Variants in METTL14 observed in about 807,000 individuals in gnomAD.
METTL14 encodes the protein N(6)-adenosine-methyltransferase non-catalytic subunit METTL14.
Under a neutral mutation model 62.4 loss-of-function variants are expected in METTL14, and 32 were observed. The ratio of observed to expected loss-of-function variants is 0.51; its 90% confidence interval spans 0.39 to 0.69. The LOEUF (loss-of-function observed/expected upper bound fraction) is 0.69, where lower values mean the gene tolerates loss of function less well. Ranked by LOEUF, METTL14 falls within the 30% of genes least tolerant of loss-of-function variation. The pLI, the probability that METTL14 is intolerant of heterozygous loss-of-function variation, is 0.00. For missense variants in METTL14, 340 were observed against 551.9 expected (o/e 0.62, Z 3.85); for synonymous variants, 150 against 180.0 (o/e 0.83, Z 1.34).
At chr4:118,705,842 A>G (rs1462747723) in intron 10 of METTL14, 21 bp downstream of exon 10, 2 of 1,562,862 alleles carry the variant, frequency 1.3e-6, no homozygotes, top group Non-Finnish European at 1.8e-6. Flanking sequence ...AGTTAACAAC[A>G]ACTTTTATGA....
At chr4:118,689,028 GT>G (rs1481214699) in intron 2 of METTL14, among the ~76,000 whole-genome samples, 1 of 152,114 alleles carries the variant, frequency 6.6e-6, no homozygotes, top group Non-Finnish European at 1.5e-5. Flanking sequence ...TTATTTGGTA[GT>G]TCAGAAAGCA....
At chr4:118,709,353 G>A (rs934837293) in intron 10 of METTL14, among the ~76,000 whole-genome samples, 1 of 152,212 alleles carries the variant, frequency 6.6e-6, no homozygotes, top group African/African-American at 2.4e-5. Context: ...GCAGAGAAGT[G>A]ACATGTTTTA....
At position 118,696,030 on chromosome 4, in the gene METTL14, T is replaced by G. The variant is rs1481017967; in HGVS notation, c.504-1152T>G. Among the ~76,000 whole-genome samples the G allele has an allele frequency of 4.4e-5, 6 of 135,564 alleles. 1 individual carries two copies. The South Asian group carries it at 1.4e-3, about 33-fold the overall frequency. 88.9% of individuals were successfully genotyped at this position (135,564 alleles called of 152,430 possible). A position where few individuals can be genotyped will look rare whatever the true frequency, so the allele number is the denominator to read the frequency against. ...GAGGCAGAGGCTGAGGCAGAAGAGG[T>G]GGAGTTTGAACCCAGGAGGTGGAGT... is the stretch of plus-strand genomic sequence containing the variant. On this transcript the variant is annotated intron_variant, in intron 6 of 10. Transcript: ENST00000388822.
chr4:118,688,465 G>A (rs989232162), intron 2 of METTL14, among the ~76,000 whole-genome samples: 4 of 151,406 alleles, frequency 2.6e-5, no homozygotes, highest in Admixed American at 2.6e-4. Context: ...AAATGTGAAA[G>A]GATTACTGTT....
rs1724978667 is a variant in METTL14, at chr4:118,713,334, G to A, written c.*3032G>A. On this transcript the variant is annotated 3_prime_UTR_variant, in exon 11 of 11. Transcript: ENST00000388822. ...CATCAGGGTGTCACAGCTGCTACTA[G>A]GAGTTACTCCTTTTCATGTCTTTTA... 1 of 152,170 alleles carries A rather than the reference G, an allele frequency of 6.6e-6. No homozygotes were observed. The highest frequency in any genetic ancestry group is 1.5e-5 in the Non-Finnish European group (1 of 68,030). 9.4% of individuals were successfully genotyped at this position (152,170 alleles called of 1,614,324 possible).
chr4:118,692,772 TGCATCTCCCC>T (rs1282692638), intron 5 of METTL14, among the ~76,000 whole-genome samples: 1 of 152,136 alleles, frequency 6.6e-6, no homozygotes, highest in Non-Finnish European at 1.5e-5. Flanking sequence ...CTAGAACATT[TGCATCTCCCC>T]TAAGGAAGCC....
intron 2 of METTL14, 71 bp downstream of exon 2, chr4:118,688,082 C>T (rs556758606): frequency 3.2e-6 from 4 of 1,254,378 alleles, no homozygotes; most frequent in East Asian, 2.5e-5. Context: ...GCTGGATAGG[C>T]TGGAGTACAG....
chr4:118,702,364 T>C (rs752224627), intron 8 of METTL14, among the ~76,000 whole-genome samples: 4 of 152,152 alleles, frequency 2.6e-5, no homozygotes, highest in Non-Finnish European at 4.4e-5. Flanking sequence ...TCATGAGATT[T>C]TGATAAATTA....
intron 6 of METTL14, among the ~76,000 whole-genome samples, chr4:118,695,442 G>A (rs530328476): frequency 3.9e-5 from 6 of 151,976 alleles, no homozygotes; most frequent in East Asian, 1.9e-4. Flanking sequence ...CCAGCTACTC[G>A]AGAGGCTGAG....
intron 6 of METTL14, among the ~76,000 whole-genome samples, chr4:118,694,946 C>A (rs1724363873): frequency 1.3e-5 from 2 of 152,014 alleles, no homozygotes; most frequent in Admixed American, 1.3e-4. Context: ...GGATTACAGG[C>A]ACGCACCACC....
intron 10 of METTL14, among the ~76,000 whole-genome samples, chr4:118,706,136 C>T (rs1724750522): frequency 6.6e-6 from 1 of 152,186 alleles, no homozygotes. Flanking sequence ...CATTAGGATT[C>T]ACTCTTGGTT....
intron 6 of METTL14, among the ~76,000 whole-genome samples, chr4:118,696,283 AGAGACAG>A (rs1357256767): frequency 7.9e-5 from 12 of 152,212 alleles, no homozygotes; most frequent in Non-Finnish European, 7.4e-5. Context: ...TTATTTAAAT[AGAGACAG>A]GGTCTCACTG....
Position 118,688,544 on chromosome 4 carries a change from A to G in METTL14, c.155+533A>G, listed in dbSNP as rs571398545. Among the ~76,000 whole-genome samples, 3 of 152,264 alleles carry G rather than the reference A, an allele frequency of 2.0e-5. No homozygotes were observed. In the South Asian group the frequency reaches 6.2e-4, roughly 32 times the overall value. ...CATCAAAATAATGATTTTAGACACAATGGTTTTTATTGTCAGTTCATTAAT... is the reference window on the plus strand; with the variant it reads ...CATCAAAATAATGATTTTAGACACAGTGGTTTTTATTGTCAGTTCATTAAT... On this transcript the variant is annotated intron_variant, in intron 2 of 10. Transcript: ENST00000388822.
At chr4:118,692,211 TTTTTC>T (rs944281935) in intron 5 of METTL14, 143 bp downstream of exon 5, 23 of 584,048 alleles carry the variant, frequency 3.9e-5, no homozygotes, top group Non-Finnish European at 5.4e-5. Flanking sequence ...GTATACCTTC[TTTTTC>T]TTTTCTTTTC....
At chr4:118,691,308 A>C (rs946243666) in intron 3 of METTL14, among the ~76,000 whole-genome samples, 3 of 152,182 alleles carry the variant, frequency 2.0e-5, no homozygotes, top group Non-Finnish European at 2.9e-5. Context: ...CAATCAGCAA[A>C]ATAGTAGTTA....
intron 10 of METTL14, among the ~76,000 whole-genome samples, chr4:118,706,620 G>A (rs922847206): frequency 6.6e-6 from 1 of 152,180 alleles, no homozygotes; most frequent in Non-Finnish European, 1.5e-5. Flanking sequence ...ATGCTGGATT[G>A]TATGGTAAGA....
chr4:118,710,402 A>G lies in METTL14; in HGVS notation c.*100A>G, dbSNP rs188561580. 1.5e-5 allele frequency: 18 copies of G among 1,213,500 alleles called. No individual in the cohort carries two copies. Among genetic ancestry groups the G allele is most frequent in the Admixed American group, 1.1e-4 (4 of 35,172 alleles). The allele number at this position is 1,213,500 out of a possible 1,614,324, so 75.2% of individuals were successfully genotyped here. On this transcript the variant is annotated 3_prime_UTR_variant, in exon 11 of 11. Transcript: ENST00000388822. ...ACTTTAGAACTCACTTCCAGCTTGCACTTTGCTTTAATTTCTCTGAGCTGC... is the reference window on the plus strand; with the variant it reads ...ACTTTAGAACTCACTTCCAGCTTGCGCTTTGCTTTAATTTCTCTGAGCTGC...
At chr4:118,694,387 A>G in intron 5 of METTL14, 49 bp from the exon 6 acceptor site, 2 of 1,462,192 alleles carry the variant, frequency 1.4e-6, no homozygotes, top group South Asian at 2.5e-5. Context: ...AATTACTGAT[A>G]TTAACTTCAG....
chr4:118,689,797 GC>G (rs1177440568), intron 3 of METTL14, among the ~76,000 whole-genome samples: 1 of 151,194 alleles, frequency 6.6e-6, no homozygotes, highest in Non-Finnish European at 1.5e-5. Context: ...GCACCACCAT[GC>G]CCAGCTAATT....
Sources: gnomAD v4.1 joint callset for allele counts (sites outside exome capture counted in the v4.1 genomes callset) on GRCh38, gnomAD v4.1.1 for gene constraint, MANE v1.5 for transcripts, NCBI Gene and HGNC (gene_info 2026-07-23, HGNC 2026-07-21) for gene names.